BFSP1: variants seen among roughly 807,000 people sequenced by gnomAD.
BFSP1 encodes the protein beaded filament structural protein 1.
BFSP1 carries 38 observed loss-of-function variants against 43.9 expected under a neutral mutation model. The ratio of observed to expected loss-of-function variants is 0.87; its 90% CI spans 0.67 to 1.14. BFSP1 has a LOEUF of 1.14. Among genes scored for constraint, BFSP1 ranks in the 50% most tolerant of loss-of-function variants. The pLI is 0.00. For missense variants in BFSP1, 850 were observed against 875.1 expected (o/e 0.97, Z 0.36); for synonymous variants, 352 against 354.8 (o/e 0.99, Z 0.09).
chr20:17,516,992 G>A (rs190705740), intron 2 of BFSP1: 15 of 763,400 alleles, frequency 2.0e-5, no homozygotes, highest in Admixed American at 3.4e-5. Flanking sequence ...GCAAGCAACT[G>A]GAGGATGGAT....
chr20:17,502,191 A>G (rs2033820451), intron 5 of BFSP1, among the ~76,000 whole-genome samples: 1 of 150,594 alleles, frequency 6.6e-6, no homozygotes, highest in Admixed American at 6.6e-5. Flanking sequence ...AAAAAAAAAT[A>G]GTACCTTTCC....
At chr20:17,566,991 G>A (rs947249292) in intron 1 of BFSP1, among the ~76,000 whole-genome samples, 2 of 152,034 alleles carry the variant, frequency 1.3e-5, no homozygotes, top group East Asian at 3.9e-4. Context: ...TATTAAAGGG[G>A]GCTCTGCTCT....
At chr20:17,530,736 T>C (rs575738132) in intron 1 of BFSP1, among the ~76,000 whole-genome samples, 69 of 152,366 alleles carry the variant, frequency 4.5e-4, no homozygotes, top group South Asian at 3.7e-3. Context: ...AGATGAAAAG[T>C]AAATGATACA....
At chr20:17,497,250 A>G (rs1446694646) in intron 6 of BFSP1, among the ~76,000 whole-genome samples, 2 of 152,168 alleles carry the variant, frequency 1.3e-5, no homozygotes, top group African/African-American at 2.4e-5. Context: ...AAACATACCT[A>G]TAAAAAATTG....
upstream of BFSP1, among the ~76,000 whole-genome samples, chr20:17,563,885 TAA>T (rs998399781): frequency 0.039 from 3,561 of 90,726 alleles, 55 homozygotes; most frequent in South Asian, 0.052. Flanking sequence ...AGACCGTGTC[TAA>T]AAAAAAAAAA....
intron 1 of BFSP1, among the ~76,000 whole-genome samples, chr20:17,551,518 A>G (rs921933508): frequency 1.3e-5 from 2 of 152,190 alleles, no homozygotes; most frequent in South Asian, 2.1e-4. Context: ...CATCCAAACT[A>G]TATCAGTGCT....
chr20:17,526,146 G>A (rs1270425960), intron 1 of BFSP1, among the ~76,000 whole-genome samples: 1 of 99,812 alleles, frequency 1.0e-5, no homozygotes, highest in Non-Finnish European at 2.1e-5. Flanking sequence ...TATGGCGGGG[G>A]GGGGGGGGGG....
intron 1 of BFSP1, among the ~76,000 whole-genome samples, chr20:17,550,988 G>T (rs1449259165): frequency 3.9e-5 from 6 of 152,184 alleles, no homozygotes; most frequent in African/African-American, 1.4e-4. Flanking sequence ...CTATGCTCCT[G>T]CTTCCCTAAC....
At chr20:17,510,642 A>G (rs1251794884) in intron 4 of BFSP1, among the ~76,000 whole-genome samples, 2 of 152,208 alleles carry the variant, frequency 1.3e-5, no homozygotes, top group African/African-American at 4.8e-5. Context: ...AGCTTTGTAT[A>G]AAATAATTAA....
chr20:17,529,356 G>T (rs140802525), intron 1 of BFSP1, among the ~76,000 whole-genome samples: 21 of 152,304 alleles, frequency 1.4e-4, no homozygotes, highest in African/African-American at 5.1e-4. Flanking sequence ...GATTACAGGC[G>T]TGAGCCACTG....
At chr20:17,541,644 A>G (rs2034721127) in intron 1 of BFSP1, among the ~76,000 whole-genome samples, 1 of 152,244 alleles carries the variant, frequency 6.6e-6, no homozygotes, top group Admixed American at 6.5e-5. Context: ...AAAATAAGAG[A>G]GGTCCTTAAG....
chr20:17,531,909 C>T (rs2034551933), upstream of BFSP1, among the ~76,000 whole-genome samples: 1 of 151,964 alleles, frequency 6.6e-6, no homozygotes, highest in Admixed American at 6.6e-5. Flanking sequence ...GTTTAGGACC[C>T]TTCTGTATAG....
chr20:17,503,630 G>A (rs1315495936), intron 5 of BFSP1, among the ~76,000 whole-genome samples: 3 of 152,144 alleles, frequency 2.0e-5, no homozygotes, highest in Admixed American at 1.3e-4. Context: ...AGCAGGATTC[G>A]AATCTACCTG....
intron 3 of BFSP1, among the ~76,000 whole-genome samples, chr20:17,513,398 G>A (rs8125435): frequency 0.017 from 2,542 of 152,144 alleles, 85 homozygotes; most frequent in African/African-American, 0.058. Context: ...CATCATCACC[G>A]TCATCATCAT....
intron 4 of BFSP1, among the ~76,000 whole-genome samples, chr20:17,510,628 C>A (rs2034055478): frequency 1.3e-5 from 2 of 152,290 alleles, no homozygotes; most frequent in South Asian, 2.1e-4. Context: ...TTGGGGATTT[C>A]TTTAGCTTTG....
chr20:17,550,147 C>G (rs1216715750), intron 1 of BFSP1, among the ~76,000 whole-genome samples: 1 of 152,096 alleles, frequency 6.6e-6, no homozygotes, highest in Non-Finnish European at 1.5e-5. Context: ...GGAAAGGGAT[C>G]CTGACCCAGA....
chr20:17,538,192 GGAAA>G (rs2034661785), intron 1 of BFSP1, among the ~76,000 whole-genome samples: 1 of 151,594 alleles, frequency 6.6e-6, no homozygotes, highest in South Asian at 2.1e-4. Context: ...AGGGAAGGAA[GGAAA>G]GAAAATGACC....
intron 2 of BFSP1, among the ~76,000 whole-genome samples, chr20:17,522,642 C>CCTGTTGAA (rs1450955279): frequency 6.6e-6 from 1 of 152,238 alleles, no homozygotes; most frequent in Non-Finnish European, 1.5e-5. Context: ...CAGGGTTCTG[C>CCTGTTGAA]ACCCACACTG....
At chr20:17,547,654 T>C (rs867344442) in intron 1 of BFSP1, among the ~76,000 whole-genome samples, 37 of 152,276 alleles carry the variant, frequency 2.4e-4, no homozygotes, top group Admixed American at 1.8e-3. Context: ...AGTGAATTGG[T>C]TGGAAAACCA....
Sources: gnomAD v4.1 joint callset for allele counts (sites outside exome capture counted in the v4.1 genomes callset) on GRCh38, gnomAD v4.1.1 for gene constraint, MANE v1.5 for transcripts, NCBI Gene and HGNC (gene_info 2026-07-23, HGNC 2026-07-21) for gene names.